Variants in SGCZ observed in about 807,000 individuals in gnomAD.
SGCZ encodes sarcoglycan zeta.
SGCZ carries 40 observed loss-of-function variants against 41.3 expected under a neutral mutation model. The observed-to-expected ratio is 0.97, with a 90% confidence interval of 0.75 to 1.26. The LOEUF is 1.26. SGCZ is among the 50% of genes most tolerant of loss of function. SGCZ has a pLI of 0.00. For missense variants in SGCZ, 552 were observed against 369.8 expected (o/e 1.49, Z -4.04); for synonymous variants, 206 against 137.5 (o/e 1.50, Z -3.49).
At chr8:14,636,353 G>T (rs1008904451) in intron 1 of SGCZ, among the ~76,000 whole-genome samples, 1 of 151,852 alleles carries the variant, frequency 6.6e-6, no homozygotes, top group East Asian at 1.9e-4. Context: ...ATATGGAATA[G>T]ATTACACAGG....
At chr8:14,831,762 A>C (rs1802536727) in intron 1 of SGCZ, among the ~76,000 whole-genome samples, 1 of 152,196 alleles carries the variant, frequency 6.6e-6, no homozygotes, top group South Asian at 2.1e-4. Flanking sequence ...GTATAAACAT[A>C]TACATATATA....
At chr8:15,005,414 C>A (rs1802577559) in intron 1 of SGCZ, among the ~76,000 whole-genome samples, 1 of 149,504 alleles carries the variant, frequency 6.7e-6, no homozygotes, top group African/African-American at 2.5e-5. Flanking sequence ...TCATCACAAC[C>A]TCTGCCTCCT....
At chr8:14,166,091 T>A (rs1585194681) in intron 4 of SGCZ, among the ~76,000 whole-genome samples, 2 of 152,262 alleles carry the variant, frequency 1.3e-5, no homozygotes, top group African/African-American at 2.4e-5. Flanking sequence ...ACATACATGC[T>A]TCCAGGACCA....
chr8:14,910,004 T>C (rs530406490), intron 1 of SGCZ, among the ~76,000 whole-genome samples: 13 of 152,254 alleles, frequency 8.5e-5, no homozygotes, highest in African/African-American at 1.2e-4. Flanking sequence ...TTTTAATGCA[T>C]TGGCCTCTAT....
At chr8:14,699,550 G>A (rs748042867) in intron 1 of SGCZ, among the ~76,000 whole-genome samples, 9 of 151,692 alleles carry the variant, frequency 5.9e-5, no homozygotes, top group African/African-American at 1.2e-4. Flanking sequence ...TCTGGACATC[G>A]ACCTTGGCAA....
intron 1 of SGCZ, among the ~76,000 whole-genome samples, chr8:14,698,726 T>C (rs1250269438): frequency 1.3e-5 from 2 of 151,928 alleles, no homozygotes; most frequent in African/African-American, 4.8e-5. Context: ...AGCACAAGTA[T>C]GTTGTGCACA....
At chr8:15,166,192 C>T (rs1585631543) in intron 1 of SGCZ, among the ~76,000 whole-genome samples, 1 of 150,502 alleles carries the variant, frequency 6.6e-6, no homozygotes, top group South Asian at 2.1e-4. Context: ...GATTATTTGA[C>T]ATGTTCAGGT....
chr8:14,169,753 A>G (rs187428318), intron 4 of SGCZ, among the ~76,000 whole-genome samples: 394 of 152,326 alleles, frequency 2.6e-3, no homozygotes, highest in African/African-American at 8.9e-3. Context: ...CTCTCTTGAT[A>G]CAAGTTTTGA....
chr8:14,783,243 G>T (rs944435558), intron 1 of SGCZ, among the ~76,000 whole-genome samples: 2 of 152,172 alleles, frequency 1.3e-5, no homozygotes, highest in African/African-American at 4.8e-5. Context: ...AGACAAGCCT[G>T]GTCAACATGG....
chr8:14,965,188 G>C (rs147655471), intron 1 of SGCZ, among the ~76,000 whole-genome samples: 113 of 152,266 alleles, frequency 7.4e-4, no homozygotes, highest in Admixed American at 4.4e-3. Context: ...CAAAAAGCTA[G>C]TTGACATCAC....
intron 1 of SGCZ, among the ~76,000 whole-genome samples, chr8:14,927,011 GAC>G (rs1799775841): frequency 6.6e-6 from 1 of 151,448 alleles, no homozygotes; most frequent in African/African-American, 2.4e-5. Context: ...CATTCCTATG[GAC>G]ACAGTATATA....
intron 1 of SGCZ, among the ~76,000 whole-genome samples, chr8:14,635,135 T>G (rs890413595): frequency 6.6e-6 from 1 of 151,822 alleles, no homozygotes; most frequent in African/African-American, 2.4e-5. Context: ...AAACTTTTCA[T>G]TCAAGCTATT....
intron 1 of SGCZ, among the ~76,000 whole-genome samples, chr8:15,098,928 G>A (rs1806494128): frequency 6.6e-6 from 1 of 152,028 alleles, no homozygotes; most frequent in Non-Finnish European, 1.5e-5. Context: ...GGTGGTGGTG[G>A]GTGCCTGTAA....
chr8:14,937,559 G>C (rs1033245931), intron 1 of SGCZ, among the ~76,000 whole-genome samples: 1 of 151,952 alleles, frequency 6.6e-6, no homozygotes, highest in South Asian at 2.1e-4. Flanking sequence ...AGAAAAATTT[G>C]AGAGGGAAGG....
intron 1 of SGCZ, among the ~76,000 whole-genome samples, chr8:14,625,122 T>A (rs1806410592): frequency 6.6e-6 from 1 of 152,212 alleles, no homozygotes; most frequent in African/African-American, 2.4e-5. Flanking sequence ...ATACTGTGGT[T>A]GCAATATAAT....
intron 1 of SGCZ, among the ~76,000 whole-genome samples, chr8:14,859,321 C>A (rs895049767): frequency 3.3e-5 from 5 of 151,972 alleles, no homozygotes; most frequent in African/African-American, 1.2e-4. Context: ...TATTTTGGGA[C>A]CATTCATTTG....
chr8:14,229,393 G>T (rs1223967539), intron 4 of SGCZ, among the ~76,000 whole-genome samples: 1 of 151,972 alleles, frequency 6.6e-6, no homozygotes, highest in Non-Finnish European at 1.5e-5. Context: ...TCTAAAGCGT[G>T]ACATCCTTGT....
chr8:14,402,243 G>C (rs1246819430), intron 2 of SGCZ, among the ~76,000 whole-genome samples: 8 of 151,498 alleles, frequency 5.3e-5, no homozygotes, highest in Non-Finnish European at 1.0e-4. Flanking sequence ...TAGGTTGCCT[G>C]TTCACTCTGA....
intron 4 of SGCZ, among the ~76,000 whole-genome samples, chr8:14,229,203 A>G (rs7844145): frequency 0.6 from 91,174 of 152,042 alleles, 27,699 homozygotes; most frequent in East Asian, 0.76. Context: ...GCCAGTCCAT[A>G]TTTCTGTTTG....
Sources: gnomAD v4.1 joint callset for allele counts (sites outside exome capture counted in the v4.1 genomes callset) on GRCh38, gnomAD v4.1.1 for gene constraint, MANE v1.5 for transcripts, NCBI Gene and HGNC (gene_info 2026-07-23, HGNC 2026-07-21) for gene names.